Variants in CNOT6L observed in about 807,000 individuals in gnomAD.
The protein encoded by CNOT6L is CCR4-NOT transcription complex subunit 6-like.
CNOT6L carries 7 observed loss-of-function variants against 64.0 expected under a neutral mutation model. That is an observed-to-expected ratio of 0.11 (90% CI 0.06 to 0.21). The LOEUF (loss-of-function observed/expected upper bound fraction) is 0.21, where lower values mean the gene tolerates loss of function less well. Ranked by LOEUF, CNOT6L falls within the 10% of genes least tolerant of loss-of-function variation. CNOT6L has a pLI of 1.00. For missense variants in CNOT6L, 245 were observed against 669.0 expected (o/e 0.37, Z 6.99); for synonymous variants, 193 against 243.4 (o/e 0.79, Z 1.93).
chr4:77,722,644 C>T (rs1357687326), intron 11 of CNOT6L, among the ~76,000 whole-genome samples: 1 of 152,132 alleles, frequency 6.6e-6, no homozygotes, highest in Non-Finnish European at 1.5e-5. Context: ...TTAAACACTC[C>T]AGGAAGTAAG....
chr4:77,718,686 T>C lies in CNOT6L; in HGVS notation c.*1745A>G, dbSNP rs1720994568. On this transcript the variant is annotated 3_prime_UTR_variant, in exon 12 of 12. Coordinates refer to ENST00000504123, the MANE Select transcript of CNOT6L (RefSeq NM_144571.3). The stretch of plus-strand genomic sequence containing the variant: ...ATATGACATCATCCCACCACCCTCG[T>C]CCCACTAAAATTACCCTCTGGGGAA... The C allele has an allele frequency of 6.6e-6, 1 of 152,496 alleles. No individual in the cohort carries two copies. Among genetic ancestry groups the C allele is most frequent in the Non-Finnish European group, 1.5e-5 (1 of 67,998 alleles). The allele number at this position is 152,496 out of a possible 1,614,324, so 9.4% of individuals were successfully genotyped here. A position where few individuals can be genotyped will look rare whatever the true frequency, so the allele number is the denominator to read the frequency against.
chr4:77,793,917 G>A (rs1392836577), intron 1 of CNOT6L, among the ~76,000 whole-genome samples: 1 of 151,962 alleles, frequency 6.6e-6, no homozygotes, highest in African/African-American at 2.4e-5. Context: ...ATGGGAAGCT[G>A]CGGCGGGTAG....
At chr4:77,745,244 C>T (rs1394399451) in intron 6 of CNOT6L, among the ~76,000 whole-genome samples, 2 of 152,186 alleles carry the variant, frequency 1.3e-5, no homozygotes, top group African/African-American at 4.8e-5. Context: ...ACTCTAATCT[C>T]ATTACCTCTT....
Position 77,716,204 on chromosome 4 carries a change from T to A in CNOT6L, c.*4227A>T, listed in dbSNP as rs904500224. 2 of 152,228 alleles carry A rather than the reference T, an allele frequency of 1.3e-5. No individual in the cohort carries two copies. Among genetic ancestry groups the A allele is most frequent in the African/African-American group, 4.8e-5 (2 of 41,578 alleles). 9.4% of individuals were successfully genotyped at this position (152,228 alleles called of 1,614,324 possible). A position where few individuals can be genotyped will look rare whatever the true frequency, so the allele number is the denominator to read the frequency against. On this transcript the variant is annotated 3_prime_UTR_variant, in exon 12 of 12. Coordinates refer to ENST00000504123, the MANE Select transcript of CNOT6L (RefSeq NM_144571.3). ...CTGTCAAAATGTAAGTATGTATGAG[T>A]GCTATTTTGAAAATGTGCCATAAAG...
At chr4:77,766,191 G>GA (rs966877811) in intron 4 of CNOT6L, among the ~76,000 whole-genome samples, 16 of 150,866 alleles carry the variant, frequency 1.1e-4, no homozygotes, top group African/African-American at 3.4e-4. Flanking sequence ...TTTAAAATTG[G>GA]AAAAAAAAGT....
At chr4:77,813,380 G>A (rs1733182268) in intron 1 of CNOT6L, among the ~76,000 whole-genome samples, 1 of 152,124 alleles carries the variant, frequency 6.6e-6, no homozygotes, top group Non-Finnish European at 1.5e-5. Flanking sequence ...TTATTTCTTA[G>A]ATACGACACC....
In CNOT6L at chr4:77,715,736, T is replaced by C. The variant is rs1327823398; in HGVS notation, c.*4695A>G. The C allele has an allele frequency of 6.6e-6, 1 of 152,532 alleles. No individual in the cohort carries two copies. The highest frequency in any genetic ancestry group is 1.5e-5 in the Non-Finnish European group (1 of 67,984). 9.4% of individuals were successfully genotyped at this position (152,532 alleles called of 1,614,324 possible). ...TGTGAATCTTGTTCAAGACATCCTGTAGTTTAGATATATGGGCTGCTTCTT... is the reference window on the plus strand; with the variant it reads ...TGTGAATCTTGTTCAAGACATCCTGCAGTTTAGATATATGGGCTGCTTCTT... On this transcript the variant is annotated 3_prime_UTR_variant, in exon 12 of 12. Coordinates refer to ENST00000504123, the MANE Select transcript of CNOT6L (RefSeq NM_144571.3).
intron 4 of CNOT6L, among the ~76,000 whole-genome samples, chr4:77,768,160 A>G (rs1727078860): frequency 6.6e-6 from 1 of 151,834 alleles, no homozygotes; most frequent in Non-Finnish European, 1.5e-5. Flanking sequence ...TTAAAACTCA[A>G]CTACATTAAA....
intron 5 of CNOT6L, among the ~76,000 whole-genome samples, chr4:77,750,377 AGTCTT>A (rs1388147307): frequency 6.6e-6 from 1 of 151,914 alleles, no homozygotes; most frequent in Non-Finnish European, 1.5e-5. Flanking sequence ...TTTTTGAGAC[AGTCTT>A]GCTCTGTCAC....
intron 1 of CNOT6L, among the ~76,000 whole-genome samples, chr4:77,803,799 A>G (rs1159250606): frequency 6.6e-6 from 1 of 152,084 alleles, no homozygotes; most frequent in Non-Finnish European, 1.5e-5. Flanking sequence ...GCTACTCGGG[A>G]GGCTGAGGCA....
intron 2 of CNOT6L, among the ~76,000 whole-genome samples, chr4:77,775,518 A>C (rs1251345176): frequency 6.6e-6 from 1 of 152,180 alleles, no homozygotes; most frequent in Non-Finnish European, 1.5e-5. Flanking sequence ...TAACATTAGA[A>C]TCTACATCAT....
At chr4:77,731,817 A>G (rs1486607170) in intron 8 of CNOT6L, 1 of 271,440 alleles carries the variant, frequency 3.7e-6, no homozygotes, top group Non-Finnish European at 6.9e-6. Context: ...TGACCATGAA[A>G]TAAGAAGCAG....
At chr4:77,795,000 A>C (rs1730649703) in intron 1 of CNOT6L, among the ~76,000 whole-genome samples, 1 of 150,268 alleles carries the variant, frequency 6.7e-6, no homozygotes, top group South Asian at 2.1e-4. Flanking sequence ...GGTAACAAGC[A>C]AAAGTAAAAA....
intron 11 of CNOT6L, among the ~76,000 whole-genome samples, chr4:77,724,960 G>T (rs1721673496): frequency 6.6e-6 from 1 of 152,122 alleles, no homozygotes; most frequent in African/African-American, 2.4e-5. Context: ...TGGAAGATAG[G>T]ATTCTGCTAC....
chr4:77,764,706 T>C (rs1480325497), intron 4 of CNOT6L, among the ~76,000 whole-genome samples: 2 of 152,108 alleles, frequency 1.3e-5, no homozygotes, highest in Admixed American at 1.3e-4. Flanking sequence ...TCACCTTTTG[T>C]CAGAACTCGG....
chr4:77,789,389 T>A (rs1045304496), intron 1 of CNOT6L, among the ~76,000 whole-genome samples: 3 of 152,064 alleles, frequency 2.0e-5, no homozygotes, highest in African/African-American at 7.2e-5. Context: ...AAGGACCTTT[T>A]AGCCAAAGGG....
intron 8 of CNOT6L, among the ~76,000 whole-genome samples, chr4:77,737,007 G>A (rs1468152205): frequency 1.3e-5 from 2 of 152,062 alleles, no homozygotes; most frequent in African/African-American, 2.4e-5. Flanking sequence ...TTACCAACTT[G>A]TAGTCTAAAA....
chr4:77,754,888 T>TAAAAAAAAAAAAAAAAAAAAAAAAAAAAA lies in CNOT6L; in HGVS notation c.490+1973_490+1974insTTTTTTTTTTTTTTTTTTTTTTTTTTTTT. Among the ~76,000 whole-genome samples the TAAAAAAAAAAAAAAAAAAAAAAAAAAAAA allele has an allele frequency of 5.1e-4, 19 of 36,954 alleles. 4 individuals carry two copies. The highest frequency in any genetic ancestry group is 2.6e-3 in the Admixed American group (6 of 2,282). 24.2% of individuals were successfully genotyped at this position (36,954 alleles called of 152,430 possible). Reference sequence around the variant, plus strand: ...AAAACCTAATTCTAAACATTAGAAGTAAAAAAAAAAAAAAAAAAAAAAAAA... The same window carrying TAAAAAAAAAAAAAAAAAAAAAAAAAAAAA: ...AAAACCTAATTCTAAACATTAGAAGTAAAAAAAAAAAAAAAAAAAAAAAAAAAAAAAAAAAAAAAAAAAAAAAAAAAAAA... On this transcript the variant is annotated intron_variant, in intron 5 of 11. Transcript: ENST00000504123.
intron 1 of CNOT6L, among the ~76,000 whole-genome samples, chr4:77,798,330 T>A (rs28880947): frequency 0.053 from 8,102 of 151,956 alleles, 291 homozygotes; most frequent in Non-Finnish European, 0.081. Flanking sequence ...ATAATTTTTT[T>A]AAAAAAAGAA....
Sources: gnomAD v4.1 joint callset for allele counts (sites outside exome capture counted in the v4.1 genomes callset) on GRCh38, gnomAD v4.1.1 for gene constraint, MANE v1.5 for transcripts, NCBI Gene and HGNC (gene_info 2026-07-23, HGNC 2026-07-21) for gene names.